Variants in CNOT8 observed in about 807,000 individuals in gnomAD.
CNOT8 encodes the protein CAF1-like protein.
A neutral mutation model predicts 34.6 loss-of-function variants in CNOT8; 18 were observed. The observed-to-expected ratio is 0.52, with a 90% CI of 0.36 to 0.77. The LOEUF (loss-of-function observed/expected upper bound fraction) is 0.77, where lower values mean the gene tolerates loss of function less well. Ranked by LOEUF, CNOT8 falls within the 30% of genes least tolerant of loss-of-function variation. The pLI is 0.00. For synonymous variants in CNOT8, 101 were observed against 118.8 expected (o/e 0.85, Z 0.98); for missense variants, 189 against 347.9 (o/e 0.54, Z 3.63).
rs1031094639 is a variant in CNOT8 at position 154,862,644 on chromosome 5, C to T, written c.-72-563C>T. Among the ~76,000 whole-genome samples, 28 of 152,106 alleles carry T rather than the reference C, an allele frequency of 1.8e-4. 1 individual carries two copies. Among genetic ancestry groups the T allele is most frequent in the Admixed American group, 1.7e-3 (26 of 15,274 alleles). On this transcript the variant is annotated intron_variant, in intron 1 of 6. Transcript: ENST00000285896. The stretch of plus-strand genomic sequence containing the variant: ...GAGGCACTGGTATTGTTTATTACCT[C>T]TAGTTGTATTTGACTTTGGGATTGT...
intron 6 of CNOT8, among the ~76,000 whole-genome samples, chr5:154,873,456 A>C (rs554253746): frequency 4.8e-4 from 73 of 152,300 alleles, no homozygotes; most frequent in African/African-American, 1.7e-3. Flanking sequence ...ACCTACTGAC[A>C]TTATGGTAAG....
At chr5:154,861,008 G>T (rs1761286730) in intron 1 of CNOT8, among the ~76,000 whole-genome samples, 1 of 152,098 alleles carries the variant, frequency 6.6e-6, no homozygotes, top group African/African-American at 2.4e-5. Context: ...AGTAGTTATG[G>T]TTATGTTTGA....
At chr5:154,872,369 G>A (rs569820952) in intron 5 of CNOT8, among the ~76,000 whole-genome samples, 172 bp from the exon 6 acceptor site, 1 of 152,276 alleles carries the variant, frequency 6.6e-6, no homozygotes, top group East Asian at 1.9e-4. Context: ...GCACAATATA[G>A]CGTCTGGAAA....
upstream of CNOT8, chr5:154,858,486 C>G (rs1161527856): frequency 6.6e-6 from 1 of 152,192 alleles, no homozygotes; most frequent in African/African-American, 2.4e-5. Flanking sequence ...GCGGGCGTGA[C>G]CAGGCGCGCG....
chr5:154,864,397 G>A (rs985279984), intron 2 of CNOT8, among the ~76,000 whole-genome samples: 1 of 151,986 alleles, frequency 6.6e-6, no homozygotes, highest in East Asian at 1.9e-4. Flanking sequence ...GGCAGAGCTT[G>A]CAGTGAGCCG....
At position 154,870,832 on chromosome 5, in the gene CNOT8, A is replaced by G. The variant is rs1762419170; in HGVS notation, c.473+10A>G. The G allele has an allele frequency of 6.3e-7, 1 of 1,599,832 alleles. No individual in the cohort carries two copies. Among genetic ancestry groups the G allele is most frequent in the East Asian group, 2.3e-5 (1 of 44,302 alleles). On this transcript the variant is annotated intron_variant, in intron 4 of 6. Coordinates refer to ENST00000285896, the MANE Select transcript of CNOT8 (RefSeq NM_001301073.2). ...GGCTTTCATTTCATAGGTCAGTCCT[A>G]GGGAATGTGTATTTCTCTCTCACTT...
At chr5:154,862,380 G>T (rs748861140) in intron 1 of CNOT8, among the ~76,000 whole-genome samples, 3 of 151,940 alleles carry the variant, frequency 2.0e-5, no homozygotes, top group Non-Finnish European at 4.4e-5. Flanking sequence ...TGAGGCAGGA[G>T]AATTGCTTGC....
At chr5:154,862,144 C>G (rs915488413) in intron 1 of CNOT8, among the ~76,000 whole-genome samples, 1 of 152,198 alleles carries the variant, frequency 6.6e-6, no homozygotes, top group African/African-American at 2.4e-5. Context: ...ATGAATCATT[C>G]TGTTTCTGGT....
Position 154,875,867 on chromosome 5 carries a change from C to T in CNOT8, c.*428C>T, listed in dbSNP as rs1436754451. On this transcript the variant is annotated 3_prime_UTR_variant, in exon 7 of 7. Transcript: ENST00000285896. ...CTGATTCTCAGCTGAGCTGTGAGGG[C>T]TTCCAGGGAAAATGGAACAAAATGG... 1 of 158,924 alleles carries T rather than the reference C, an allele frequency of 6.3e-6. No individual in the cohort carries two copies. Among genetic ancestry groups the T allele is most frequent in the Non-Finnish European group, 1.4e-5 (1 of 71,982 alleles). The allele number at this position is 158,924 out of a possible 1,614,324, so 9.8% of individuals were successfully genotyped here.
chr5:154,861,436 AACCAACAGTT>A (rs943418587), intron 1 of CNOT8, among the ~76,000 whole-genome samples: 5 of 152,246 alleles, frequency 3.3e-5, no homozygotes, highest in Non-Finnish European at 5.9e-5. Context: ...TTTGCTGGCA[AACCAACAGTT>A]TGATTTCTCA....
chr5:154,867,502 T>A (rs575744213), intron 3 of CNOT8, among the ~76,000 whole-genome samples: 1 of 152,360 alleles, frequency 6.6e-6, no homozygotes, highest in South Asian at 2.1e-4. Context: ...CTCAAACAAT[T>A]ACACTAGTAT....
In CNOT8 at chr5:154,863,376, G is replaced by A. The variant is rs1326904202; in HGVS notation, c.98G>A (p.Ser33Asn). 2 of 1,612,598 alleles carry A rather than the reference G, an allele frequency of 1.2e-6. No homozygotes were observed. The highest frequency in any genetic ancestry group is 1.7e-6 in the Non-Finnish European group (2 of 1,178,756). ...EMRKIREIVLSYSYIAMDTEF... is the reference protein window; with the variant it reads ...EMRKIREIVLNYSYIAMDTEF... ...AGGAAGATCCGAGAAATCGTGCTCA[G>A]TTACAGTTATATTGCCATGGTAAGG... Residue 33 changes from serine (S) to asparagine (N), a missense_variant, in exon 2 of 7, where the codon AGT becomes AAT. Around this residue, in one of 2 missense-constraint regions of CNOT8, gnomAD observed 160 missense variants for 321.9 expected, o/e 0.50. Transcript: ENST00000285896.
chr5:154,871,836 G>T lies in CNOT8; in HGVS notation c.580G>T (p.Asp194Tyr). ...GAACCTTTTCTTCCCATCCATTTAT[G>T]ATGTGAAATACCTGATGAAGAGCTG... ...ILNLFFPSIY[D>Y]VKYLMKSCKN... Residue 194 changes from aspartate (D) to tyrosine (Y), a missense_variant, in exon 5 of 7, where the codon GAT (aspartate) becomes TAT (tyrosine). Asp to Tyr is a radical substitution (Grantham distance 160, BLOSUM62 -3). Around this residue, in one of 2 missense-constraint regions of CNOT8, gnomAD observed 160 missense variants for 321.9 expected, o/e 0.50. Coordinates refer to ENST00000285896, the MANE Select transcript of CNOT8 (RefSeq NM_001301073.2). The T allele has an allele frequency of 1.2e-6, 2 of 1,613,876 alleles. No individual in the cohort carries two copies. The highest frequency in any genetic ancestry group is 1.7e-6 in the Non-Finnish European group (2 of 1,179,894).
At position 154,876,693 on chromosome 5, in the gene CNOT8, T is replaced by G. The variant is rs1457717098; in HGVS notation, c.*1254T>G. 6 of 152,686 alleles carry G rather than the reference T, an allele frequency of 3.9e-5. No homozygotes were observed. The highest frequency in any genetic ancestry group is 8.8e-5 in the Non-Finnish European group (6 of 68,042). The allele number at this position is 152,686 out of a possible 1,614,324, so 9.5% of individuals were successfully genotyped here. A position where few individuals can be genotyped will look rare whatever the true frequency, so the allele number is the denominator to read the frequency against. On this transcript the variant is annotated 3_prime_UTR_variant, in exon 7 of 7. Coordinates refer to ENST00000285896, the MANE Select transcript of CNOT8 (RefSeq NM_001301073.2). ...TATGGGAAACTCAATTTGAAATGAT[T>G]AGAAAATGTCAAGTATTATAAGCTG...
chr5:154,872,479 G>A (rs1300918205), intron 5 of CNOT8, 62 bp from the exon 6 acceptor site: 75 of 1,031,224 alleles, frequency 7.3e-5, no homozygotes, highest in Non-Finnish European at 1.1e-4. Flanking sequence ...ACTGCACTTA[G>A]TTGGCTCCAG....
chr5:154,863,224 C>A lies in CNOT8; in HGVS notation c.-55C>A. The A allele has an allele frequency of 8.3e-7, 1 of 1,201,598 alleles. No individual in the cohort carries two copies. The highest frequency in any genetic ancestry group is 1.2e-5 in the South Asian group (1 of 82,254). 74.4% of individuals were successfully genotyped at this position (1,201,598 alleles called of 1,614,324 possible). A position where few individuals can be genotyped will look rare whatever the true frequency, so the allele number is the denominator to read the frequency against. On this transcript the variant is annotated 5_prime_UTR_variant, in exon 2 of 7. In the 5' UTR this introduces an upstream ATG that the reference lacks. Transcript: ENST00000285896. ...CAATCTAGATCAGACCAAACATTGT[C>A]TGGCTTGCACTGTAAAACTAGTTAG...
Position 154,870,798 on chromosome 5 carries a change from A to G in CNOT8, c.449A>G (p.Asn150Ser), listed in dbSNP as rs929132272. Residue 150 changes from asparagine (N) to serine (S), a missense_variant, in exon 4 of 7, where the codon AAT becomes AGT. Transcript: ENST00000285896. ...ACATCAGGAGTGGTTCTCTGTGACA[A>G]TGTCAAATGGCTTTCATTTCATAGG... is the stretch of plus-strand genomic sequence containing the variant. Reference protein sequence around the residue: ...LMTSGVVLCDNVKWLSFHSGY... With the variant: ...LMTSGVVLCDSVKWLSFHSGY... The G allele has an allele frequency of 5.0e-6, 8 of 1,613,758 alleles. No homozygotes were observed. The highest frequency in any genetic ancestry group is 4.0e-5 in the African/African-American group (3 of 74,914).
intron 3 of CNOT8, among the ~76,000 whole-genome samples, chr5:154,868,263 C>CTTTTTTTTTTT (rs200482243): frequency 1.6e-5 from 2 of 127,258 alleles, no homozygotes; most frequent in South Asian, 2.4e-4. Flanking sequence ...TTTTTCTTTT[C>CTTTTTTTTTTT]TTTTCTTTTT....
In CNOT8 at chr5:154,876,428, T is replaced by G. The variant is rs750717852; in HGVS notation, c.*989T>G. The G allele has an allele frequency of 2.6e-5, 4 of 152,234 alleles. No homozygotes were observed. The highest frequency in any genetic ancestry group is 5.9e-5 in the Non-Finnish European group (4 of 68,050). 9.4% of individuals were successfully genotyped at this position (152,234 alleles called of 1,614,324 possible). On this transcript the variant is annotated 3_prime_UTR_variant, in exon 7 of 7. Transcript: ENST00000285896. Reference sequence around the variant, plus strand: ...ATGTGTCTTTAAAAAGCTAGAGTGGTTACATTTAATCAGGCAGTAAGATAA... The same window carrying G: ...ATGTGTCTTTAAAAAGCTAGAGTGGGTACATTTAATCAGGCAGTAAGATAA...
Sources: allele counts gnomAD v4.1 joint callset (sites outside exome capture counted in the v4.1 genomes callset), GRCh38; gene constraint gnomAD v4.1.1; regional missense constraint gnomAD v4.1.1; transcripts MANE v1.5; gene names NCBI Gene and HGNC (gene_info 2026-07-23, HGNC 2026-07-21).